Variants in TAMM41 observed in about 807,000 individuals in gnomAD.
TAMM41 encodes TAM41 mitochondrial translocator assembly and maintenance homolog.
In TAMM41, 36 loss-of-function variants were observed where a neutral mutation model predicts 44.1. The ratio of observed to expected loss-of-function variants is 0.82; its 90% confidence interval spans 0.63 to 1.08. TAMM41 has a LOEUF of 1.08. TAMM41 is among the 50% of genes least tolerant of loss of function. The probability of loss-of-function intolerance (pLI) is 0.00; values close to 1 mark genes in which losing one functional copy is unlikely to be tolerated. For missense variants in TAMM41, 417 were observed against 404.3 expected (o/e 1.03, Z -0.27); for synonymous variants, 164 against 153.1 (o/e 1.07, Z -0.53).
chr3:11,829,413 G>T (rs181015250), intron 4 of TAMM41, among the ~76,000 whole-genome samples: 75 of 152,264 alleles, frequency 4.9e-4, no homozygotes, highest in African/African-American at 1.8e-3. Flanking sequence ...GGCGAATCTG[G>T]GAAAAGGGCA....
At chr3:11,757,960 G>C in the TAMM41 span, among the ~76,000 whole-genome samples, 2,715 of 152,268 alleles carry the variant, frequency 0.018, 31 homozygotes, top group Non-Finnish European at 0.028. Flanking sequence ...GTTGTACTGG[G>C]AGTTTTTATA....
At chr3:11,773,746 A>G in the TAMM41 span, among the ~76,000 whole-genome samples, 2 of 152,224 alleles carry the variant, frequency 1.3e-5, no homozygotes, top group African/African-American at 2.4e-5. Flanking sequence ...TGCTAAATCC[A>G]TCAATGTGTT....
At chr3:11,813,951 T>C (rs1170045731) in intron 5 of TAMM41, among the ~76,000 whole-genome samples, 5 of 148,760 alleles carry the variant, frequency 3.4e-5, no homozygotes, top group Non-Finnish European at 7.4e-5. Context: ...TGTATATATA[T>C]GTATATATAC....
chr3:11,818,856 C>T (rs2078393197), intron 4 of TAMM41, among the ~76,000 whole-genome samples: 1 of 150,144 alleles, frequency 6.7e-6, no homozygotes, highest in Non-Finnish European at 1.5e-5. Flanking sequence ...CGAGATCGCG[C>T]CACTGCACTC....
chr3:11,813,991 TACAC>T (rs35804902), intron 5 of TAMM41, among the ~76,000 whole-genome samples: 3,302 of 145,906 alleles, frequency 0.023, 68 homozygotes, highest in African/African-American at 0.062. Context: ...CACCTGTGTA[TACAC>T]ACACACACAC....
At chr3:11,781,266 A>T in the TAMM41 span, among the ~76,000 whole-genome samples, 1 of 152,298 alleles carries the variant, frequency 6.6e-6, no homozygotes, top group East Asian at 1.9e-4. Flanking sequence ...AATTCAAGTT[A>T]GTTAGGAGCT....
At chr3:11,807,587 G>GT (rs1261562931) in intron 7 of TAMM41, 11 of 1,536,064 alleles carry the variant, frequency 7.2e-6, no homozygotes, top group Non-Finnish European at 9.6e-6. Flanking sequence ...CACACAGGAA[G>GT]TGTCTCAGAA....
the TAMM41 span, among the ~76,000 whole-genome samples, chr3:11,732,989 G>GTTTT: frequency 2.7e-3 from 346 of 128,410 alleles, 20 homozygotes; most frequent in African/African-American, 9.5e-3. Context: ...TATGATTTGA[G>GTTTT]TTTTTTTTTT....
chr3:11,807,185 G>C (rs1464386102), intron 7 of TAMM41: 64 of 1,387,242 alleles, frequency 4.6e-5, no homozygotes, highest in East Asian at 3.5e-4. Flanking sequence ...CTCCATGAGA[G>C]AAGAACATTA....
chr3:11,733,791 G>A, the TAMM41 span, among the ~76,000 whole-genome samples: 11 of 152,182 alleles, frequency 7.2e-5, no homozygotes, highest in African/African-American at 9.6e-5. Flanking sequence ...CACCACGCCC[G>A]GCCAGGGGGG....
At chr3:11,759,222 A>G in the TAMM41 span, among the ~76,000 whole-genome samples, 2 of 152,064 alleles carry the variant, frequency 1.3e-5, no homozygotes, top group African/African-American at 4.8e-5. Context: ...GCTCGGCACT[A>G]CTCAGCCCCA....
chr3:11,749,022 C>A, the TAMM41 span, among the ~76,000 whole-genome samples: 1 of 149,344 alleles, frequency 6.7e-6, no homozygotes, highest in Admixed American at 6.8e-5. Flanking sequence ...AAGTGATTCT[C>A]CTGCCTCAGC....
At chr3:11,782,442 G>T in the TAMM41 span, among the ~76,000 whole-genome samples, 1 of 151,796 alleles carries the variant, frequency 6.6e-6, no homozygotes, top group Admixed American at 6.6e-5. Context: ...AGTTACTTGG[G>T]AGGCTAAGGT....
At chr3:11,769,649 T>C in the TAMM41 span, among the ~76,000 whole-genome samples, 7 of 152,216 alleles carry the variant, frequency 4.6e-5, no homozygotes, top group African/African-American at 1.7e-4. Flanking sequence ...CTGAGGACCA[T>C]CATTTACCAA....
At chr3:11,723,128 T>A in the TAMM41 span, among the ~76,000 whole-genome samples, 1 of 57,628 alleles carries the variant, frequency 1.7e-5, no homozygotes, top group East Asian at 4.1e-4. Flanking sequence ...AAAAATAAAA[T>A]AAAATAAAAA....
In TAMM41 at chr3:11,846,538, C is replaced by A; in HGVS notation, c.99G>T (p.Gly33=). Residue 33 remains glycine, a synonymous_variant, in exon 1 of 8, where the codon GGG becomes GGT. Coordinates refer to ENST00000455809, the MANE Select transcript of TAMM41 (RefSeq NM_001284401.2). The part of the protein sequence containing the change: ...ELSLAFVYGS[G]VYRQAGPSSD... ...AACTCGGCCCTGCCTGGCGGTACAC[C>A]CCGGAGCCGTAGACGAAAGCCAGAC... 1 of 1,614,216 alleles carries A rather than the reference C, an allele frequency of 6.2e-7. No individual in the cohort carries two copies. The highest frequency in any genetic ancestry group is 1.1e-5 in the South Asian group (1 of 91,086).
At chr3:11,821,402 A>T (rs1273650665) in intron 4 of TAMM41, among the ~76,000 whole-genome samples, 4 of 152,216 alleles carry the variant, frequency 2.6e-5, no homozygotes, top group African/African-American at 9.6e-5. Flanking sequence ...CCTGCAACCT[A>T]GATTCCTCAT....
At chr3:11,784,762 C>T in the TAMM41 span, among the ~76,000 whole-genome samples, 1 of 151,414 alleles carries the variant, frequency 6.6e-6, no homozygotes, top group African/African-American at 2.4e-5. Context: ...TTTACTCTTT[C>T]CTGCCAGAAA....
At chr3:11,762,225 T>C in the TAMM41 span, among the ~76,000 whole-genome samples, 424 of 152,308 alleles carry the variant, frequency 2.8e-3, no homozygotes, top group Non-Finnish European at 5.3e-3. Flanking sequence ...CATTTATCTG[T>C]CATTTCATAT....
Sources: allele counts gnomAD v4.1 joint callset (sites outside exome capture counted in the v4.1 genomes callset), GRCh38; gene constraint gnomAD v4.1.1; transcripts MANE v1.5; gene names NCBI Gene and HGNC (gene_info 2026-07-23, HGNC 2026-07-21).